ZFYVE9: variants seen among roughly 807,000 people sequenced by gnomAD.
The protein encoded by ZFYVE9 is zinc finger FYVE-type containing 9, also known as zinc finger FYVE domain-containing protein 9.
ZFYVE9 carries 43 observed loss-of-function variants against 126.7 expected under a neutral mutation model. The ratio of observed to expected loss-of-function variants is 0.34; its 90% CI spans 0.27 to 0.44. The LOEUF (loss-of-function observed/expected upper bound fraction) is 0.44. Ranked by LOEUF, ZFYVE9 falls within the 20% of genes least tolerant of loss-of-function variation. ZFYVE9 has a pLI of 1.00. For synonymous variants in ZFYVE9, 521 were observed against 597.4 expected (o/e 0.87, Z 1.87); for missense variants, 1,476 against 1,697.0 (o/e 0.87, Z 2.29).
At position 52,300,884 on chromosome 1, in the gene ZFYVE9, G is replaced by A. The variant is rs567160509; in HGVS notation, c.3334-2937G>A. On this transcript the variant is annotated intron_variant, in intron 12 of 18. Coordinates refer to ENST00000287727, the MANE Select transcript of ZFYVE9 (RefSeq NM_004799.4). ...TTTGGTTTTTTTTTTTTTTGAGACA[G>A]AGTCTCACTCTTTCACCCAGGTTGT... is the stretch of plus-strand genomic sequence containing the variant. Among the ~76,000 whole-genome samples, 10 of 149,206 alleles carry A rather than the reference G, an allele frequency of 6.7e-5. No homozygotes were observed. In the South Asian group the frequency reaches 2.1e-3, roughly 32 times the overall value.
At chr1:52,169,227 C>A (rs1015350001) in intron 1 of ZFYVE9, among the ~76,000 whole-genome samples, 1 of 151,942 alleles carries the variant, frequency 6.6e-6, no homozygotes, top group Non-Finnish European at 1.5e-5. Flanking sequence ...ATGATAAAAC[C>A]CAATCTCTAC....
chr1:52,181,734 T>C (rs545548614), intron 1 of ZFYVE9, among the ~76,000 whole-genome samples: 3 of 146,888 alleles, frequency 2.0e-5, no homozygotes, highest in African/African-American at 7.7e-5. Context: ...TCTGCCCCGC[T>C]GCCCCGTCTG....
At chr1:52,289,471 A>G (rs1003456558) in intron 10 of ZFYVE9, among the ~76,000 whole-genome samples, 22 of 152,194 alleles carry the variant, frequency 1.4e-4, no homozygotes, top group African/African-American at 5.3e-4. Flanking sequence ...GGTCACTTAG[A>G]AGCAAGATTT....
intron 4 of ZFYVE9, among the ~76,000 whole-genome samples, chr1:52,253,067 C>G (rs1409794707): frequency 1.3e-5 from 2 of 152,192 alleles, no homozygotes; most frequent in East Asian, 3.9e-4. Context: ...TCAAGAGGAT[C>G]ACCTGAGCCC....
chr1:52,291,519 T>C (rs548257562), intron 10 of ZFYVE9, among the ~76,000 whole-genome samples: 1 of 152,288 alleles, frequency 6.6e-6, no homozygotes, highest in Non-Finnish European at 1.5e-5. Flanking sequence ...GTCTCCTTAA[T>C]GAAGGGTTGA....
At chr1:52,307,752 CT>C (rs1200929559) in intron 13 of ZFYVE9, among the ~76,000 whole-genome samples, 238 of 139,720 alleles carry the variant, frequency 1.7e-3, no homozygotes, top group Admixed American at 2.0e-3. Flanking sequence ...CTTTTTTCTT[CT>C]TTTTTTTTTT....
intron 1 of ZFYVE9, among the ~76,000 whole-genome samples, chr1:52,203,208 G>A (rs895235555): frequency 4.6e-5 from 7 of 151,658 alleles, no homozygotes; most frequent in Admixed American, 3.3e-4. Context: ...TTAAGACAGT[G>A]TCTCACTCTT....
At chr1:52,331,538 G>A (rs1646341127) in intron 13 of ZFYVE9, among the ~76,000 whole-genome samples, 1 of 151,314 alleles carries the variant, frequency 6.6e-6, no homozygotes. Flanking sequence ...GGATCACGAG[G>A]TCAGGAGATC....
Position 52,238,298 on chromosome 1 carries a change from C to G in ZFYVE9, c.881C>G (p.Thr294Ser), listed in dbSNP as rs201883143. ...QENYIPDEDLTGKISSPRTDL... is the reference protein window; with the variant it reads ...QENYIPDEDLSGKISSPRTDL... ...AACTATATACCAGATGAGGACCTCA[C>G]TGGCAAAATCAGCTCTCCTAGGACA... Residue 294 changes from threonine (T) to serine (S), a missense_variant, in exon 4 of 19, where the codon ACT becomes AGT. Transcript: ENST00000287727. 5.6e-6 allele frequency: 9 copies of G among 1,613,898 alleles called. No individual in the cohort carries two copies. The African/African-American group carries it at 1.2e-4, about 22-fold the overall frequency.
At chr1:52,176,912 A>G (rs1406493558) in intron 1 of ZFYVE9, among the ~76,000 whole-genome samples, 1 of 152,118 alleles carries the variant, frequency 6.6e-6, no homozygotes, top group African/African-American at 2.4e-5. Context: ...TTCCTTGACC[A>G]GGAAAGGGAA....
intron 1 of ZFYVE9, among the ~76,000 whole-genome samples, chr1:52,205,283 C>G (rs1381295219): frequency 6.6e-6 from 1 of 151,954 alleles, no homozygotes; most frequent in Non-Finnish European, 1.5e-5. Flanking sequence ...CAAAGTGGCC[C>G]AAGCTGATCT....
At chr1:52,157,111 C>T (rs1051410942) in intron 1 of ZFYVE9, among the ~76,000 whole-genome samples, 12 of 152,216 alleles carry the variant, frequency 7.9e-5, no homozygotes, top group African/African-American at 1.7e-4. Flanking sequence ...GGATTACAGG[C>T]GTGAGCCACC....
chr1:52,295,680 A>T (rs1203777992), intron 11 of ZFYVE9, among the ~76,000 whole-genome samples: 2 of 152,082 alleles, frequency 1.3e-5, no homozygotes, highest in African/African-American at 4.8e-5. Flanking sequence ...GTCATTTTTG[A>T]AACATTTACA....
intron 16 of ZFYVE9, among the ~76,000 whole-genome samples, chr1:52,339,326 A>G (rs942188422): frequency 6.6e-6 from 1 of 151,530 alleles, no homozygotes; most frequent in Non-Finnish European, 1.5e-5. Flanking sequence ...CTTGCTCTGT[A>G]ACCCAGGCTG....
intron 4 of ZFYVE9, among the ~76,000 whole-genome samples, chr1:52,257,232 T>A (rs1329760480): frequency 6.6e-6 from 1 of 152,226 alleles, no homozygotes; most frequent in African/African-American, 2.4e-5. Context: ...GAACCTATTA[T>A]ATGCTACATT....
chr1:52,335,544 CTGGACTTTTTACA>C (rs1646380510), intron 15 of ZFYVE9, among the ~76,000 whole-genome samples: 1 of 152,176 alleles, frequency 6.6e-6, no homozygotes, highest in South Asian at 2.1e-4. Flanking sequence ...ATTGGGATAG[CTGGACTTTTTACA>C]TGGTGGTTCA....
intron 1 of ZFYVE9, among the ~76,000 whole-genome samples, chr1:52,170,901 A>G (rs977157772): frequency 3.3e-5 from 5 of 152,120 alleles, no homozygotes; most frequent in African/African-American, 1.2e-4. Context: ...AATGATCCAC[A>G]TGCTGAAGAT....
At chr1:52,233,891 A>G (rs372714514) in intron 3 of ZFYVE9, among the ~76,000 whole-genome samples, 12 of 152,238 alleles carry the variant, frequency 7.9e-5, no homozygotes, top group African/African-American at 2.9e-4. Flanking sequence ...AGTGATTCCC[A>G]TGCCTCAGCT....
intron 17 of ZFYVE9, among the ~76,000 whole-genome samples, chr1:52,343,181 C>G (rs1369272275): frequency 6.6e-6 from 1 of 151,834 alleles, no homozygotes; most frequent in Non-Finnish European, 1.5e-5. Context: ...CTTGGCCTCC[C>G]AAAGTGCTGG....
Sources: allele counts gnomAD v4.1 joint callset (sites outside exome capture counted in the v4.1 genomes callset), GRCh38; gene constraint gnomAD v4.1.1; transcripts MANE v1.5; gene names NCBI Gene and HGNC (gene_info 2026-07-23, HGNC 2026-07-21).